POT1: variants seen among roughly 807,000 people sequenced by gnomAD.
POT1 encodes protection of telomeres 1.
In POT1, 47 loss-of-function variants were observed where a neutral mutation model predicts 78.5. The observed-to-expected ratio is 0.60, with a 90% confidence interval of 0.47 to 0.76. POT1 has a LOEUF of 0.76. Ranked by LOEUF, POT1 falls within the 30% of genes least tolerant of loss-of-function variation. The pLI, the probability that POT1 is intolerant of heterozygous loss-of-function variation, is 0.00. For missense variants in POT1, 646 were observed against 749.9 expected (o/e 0.86, Z 1.62); for synonymous variants, 259 against 260.7 (o/e 0.99, Z 0.06).
At chr7:124,861,449 GTTGTT>G (rs1166516753) in intron 8 of POT1, among the ~76,000 whole-genome samples, 9 of 152,020 alleles carry the variant, frequency 5.9e-5, no homozygotes, top group African/African-American at 1.4e-4. Flanking sequence ...TTTTAATGGG[GTTGTT>G]TTTTCTTGTA....
intron 18 of POT1, 63 bp from the exon 19 acceptor site, chr7:124,824,137 A>T (rs1020442570): frequency 1.0e-6 from 1 of 1,004,732 alleles, no homozygotes; most frequent in Admixed American, 2.4e-5. Context: ...ACTCTGAAAT[A>T]GGTACCTAAG....
intron 6 of POT1, among the ~76,000 whole-genome samples, chr7:124,872,426 TAAAC>T (rs932263189): frequency 2.0e-5 from 3 of 152,164 alleles, no homozygotes; most frequent in African/African-American, 7.2e-5. Context: ...ATTACAGAAA[TAAAC>T]AATGTGAATC....
chr7:124,865,625 T>C (rs1795701176), intron 7 of POT1, among the ~76,000 whole-genome samples: 1 of 151,894 alleles, frequency 6.6e-6, no homozygotes, highest in African/African-American at 2.4e-5. Context: ...GAAATTTCTT[T>C]TCATTCATTT....
At chr7:124,833,280 A>T (rs1407079909) in intron 15 of POT1, among the ~76,000 whole-genome samples, 2 of 152,158 alleles carry the variant, frequency 1.3e-5, no homozygotes, top group Non-Finnish European at 2.9e-5. Context: ...GGCAATGCCT[A>T]ACAGTGACTT....
chr7:124,889,980 TA>T (rs1180575434), intron 6 of POT1, among the ~76,000 whole-genome samples: 1 of 151,942 alleles, frequency 6.6e-6, no homozygotes, highest in South Asian at 2.1e-4. Context: ...TGTCATTATT[TA>T]AAAAAAATAC....
At chr7:124,832,340 T>C (rs915003004) in intron 15 of POT1, among the ~76,000 whole-genome samples, 8 of 151,852 alleles carry the variant, frequency 5.3e-5, no homozygotes, top group African/African-American at 1.5e-4. Flanking sequence ...ATTGTTGTGA[T>C]GTTACTTTTT....
At chr7:124,824,164 A>G in intron 18 of POT1, 90 bp from the exon 19 acceptor site, 2 of 692,272 alleles carry the variant, frequency 2.9e-6, no homozygotes, top group Non-Finnish European at 4.7e-6. Context: ...ACTGAGCTAG[A>G]AAAATTAACA....
chr7:124,918,671 T>G (rs528575272), intron 2 of POT1, among the ~76,000 whole-genome samples: 2 of 152,266 alleles, frequency 1.3e-5, no homozygotes, highest in African/African-American at 4.8e-5. Flanking sequence ...TAAAGGACAC[T>G]GAGAGACTTC....
intron 9 of POT1, among the ~76,000 whole-genome samples, chr7:124,858,263 T>C (rs1006381473): frequency 5.3e-5 from 8 of 152,218 alleles, no homozygotes; most frequent in African/African-American, 4.8e-5. Flanking sequence ...ACCAAATGCA[T>C]ATAAAGTGCC....
intron 6 of POT1, among the ~76,000 whole-genome samples, chr7:124,879,397 G>A (rs1340869473): frequency 6.6e-6 from 1 of 152,136 alleles, no homozygotes; most frequent in Non-Finnish European, 1.5e-5. Flanking sequence ...TGCTAGCATA[G>A]GGAATCATGA....
chr7:124,907,931 TAAAG>T (rs1349264846), intron 3 of POT1, among the ~76,000 whole-genome samples: 2 of 151,988 alleles, frequency 1.3e-5, no homozygotes, highest in Non-Finnish European at 2.9e-5. Context: ...TACCTCCTAA[TAAAG>T]GAAACAGTCA....
intron 13 of POT1, among the ~76,000 whole-genome samples, chr7:124,841,528 T>G (rs1795028414): frequency 6.6e-6 from 1 of 151,872 alleles, no homozygotes; most frequent in Non-Finnish European, 1.5e-5. Context: ...GAGAAAAAAA[T>G]GCAGTGGCCC....
At chr7:124,826,485 G>T (rs986633692) in intron 17 of POT1, among the ~76,000 whole-genome samples, 35 of 152,150 alleles carry the variant, frequency 2.3e-4, no homozygotes, top group African/African-American at 8.2e-4. Flanking sequence ...AATGAGGAAG[G>T]TTTTGTAGAC....
intron 14 of POT1, among the ~76,000 whole-genome samples, chr7:124,838,363 G>A (rs1466955852): frequency 6.6e-6 from 1 of 151,658 alleles, no homozygotes; most frequent in African/African-American, 2.4e-5. Context: ...CTATACATAA[G>A]CAATAAATAA....
intron 11 of POT1, among the ~76,000 whole-genome samples, chr7:124,851,034 G>C (rs1022839726): frequency 1.3e-5 from 2 of 152,086 alleles, no homozygotes; most frequent in African/African-American, 4.8e-5. Context: ...GGGAGGCTAA[G>C]GCAGGAGGAT....
intron 2 of POT1, among the ~76,000 whole-genome samples, chr7:124,919,068 T>C (rs1584529286): frequency 2.0e-5 from 3 of 152,194 alleles, no homozygotes; most frequent in African/African-American, 7.2e-5. Context: ...TAAACCAACT[T>C]AGATTGTACA....
At chr7:124,919,033 CTT>C (rs1261820953) in intron 2 of POT1, among the ~76,000 whole-genome samples, 1 of 152,114 alleles carries the variant, frequency 6.6e-6, no homozygotes, top group Non-Finnish European at 1.5e-5. Context: ...GCAATTTCGT[CTT>C]TGTGTGAACA....
At chr7:124,915,534 G>A (rs1796995625) in intron 3 of POT1, 40 bp downstream of exon 3, 1 of 151,864 alleles carries the variant, frequency 6.6e-6, no homozygotes. Context: ...TATATTACAG[G>A]GAAAAAGATA....
intron 3 of POT1, among the ~76,000 whole-genome samples, chr7:124,904,724 C>G (rs139184144): frequency 0.011 from 1,667 of 152,306 alleles, 16 homozygotes; most frequent in Non-Finnish European, 0.016. Flanking sequence ...TTGCAGATGA[C>G]ATGATTATAT....
Sources: gnomAD v4.1 joint callset for allele counts (sites outside exome capture counted in the v4.1 genomes callset) on GRCh38, gnomAD v4.1.1 for gene constraint, MANE v1.5 for transcripts, NCBI Gene and HGNC (gene_info 2026-07-23, HGNC 2026-07-21) for gene names.